ADGRA3: variants seen among roughly 807,000 people sequenced by gnomAD.
ADGRA3 encodes the protein adhesion G protein-coupled receptor A3.
In ADGRA3, 56 loss-of-function variants were observed where a neutral mutation model predicts 119.8. That is an observed-to-expected ratio of 0.47 (90% CI 0.38 to 0.58). The LOEUF (loss-of-function observed/expected upper bound fraction) is 0.58, where lower values mean the gene tolerates loss of function less well. ADGRA3 is among the 20% of genes least tolerant of loss of function. ADGRA3 has a pLI of 0.00. For synonymous variants in ADGRA3, 607 were observed against 623.8 expected (o/e 0.97, Z 0.40); for missense variants, 1,516 against 1,649.0 (o/e 0.92, Z 1.40).
intron 14 of ADGRA3, among the ~76,000 whole-genome samples, chr4:22,409,673 C>A (rs1715107854): frequency 1.3e-5 from 2 of 152,156 alleles, no homozygotes. Flanking sequence ...CCACTACCAC[C>A]ATCACCATCC....
In ADGRA3 at chr4:22,420,660, T is replaced by A. The variant is rs985354427; in HGVS notation, c.1809+226A>T. On this transcript the variant is annotated intron_variant, in intron 12 of 18. Coordinates refer to ENST00000334304, the MANE Select transcript of ADGRA3 (RefSeq NM_145290.4). ...TGCAGTTATAAAATGTAATTTCTGA[T>A]ATTTTTATGTGAAGAAAGGGAATCA... is the stretch of plus-strand genomic sequence containing the variant. 8.8e-6 allele frequency: 5 copies of A among 565,008 alleles called. No homozygotes were observed. The African/African-American group carries it at 9.4e-5, about 11-fold the overall frequency. The allele number at this position is 565,008 out of a possible 1,614,324, so 35.0% of individuals were successfully genotyped here.
chr4:22,442,291 T>G (rs1716645248), intron 7 of ADGRA3, among the ~76,000 whole-genome samples: 1 of 152,194 alleles, frequency 6.6e-6, no homozygotes, highest in Non-Finnish European at 1.5e-5. Context: ...AGTCAATATT[T>G]TGACTAGAGT....
intron 8 of ADGRA3, among the ~76,000 whole-genome samples, chr4:22,437,402 TAG>T (rs1360153347): frequency 5.9e-5 from 9 of 152,182 alleles, no homozygotes; most frequent in South Asian, 2.1e-4. Context: ...ACACTGAGGT[TAG>T]AGACAGGAGG....
intron 14 of ADGRA3, among the ~76,000 whole-genome samples, chr4:22,406,216 T>C (rs1052110030): frequency 3.3e-5 from 5 of 152,332 alleles, no homozygotes; most frequent in African/African-American, 9.6e-5. Flanking sequence ...CATTTGTCTG[T>C]TGATGGACTG....
intron 3 of ADGRA3, 147 bp from the exon 4 acceptor site, chr4:22,455,084 A>G: frequency 1.6e-6 from 1 of 632,414 alleles, no homozygotes; most frequent in South Asian, 1.8e-5. Context: ...CAAATGAGAT[A>G]AGGATAGCAG....
At chr4:22,501,460 T>G (rs961421931) in intron 1 of ADGRA3, among the ~76,000 whole-genome samples, 1 of 152,100 alleles carries the variant, frequency 6.6e-6, no homozygotes, top group Non-Finnish European at 1.5e-5. Flanking sequence ...CATTAAGGCT[T>G]ATCAGTTTCA....
chr4:22,413,983 C>T (rs1715330197), intron 12 of ADGRA3, 169 bp from the exon 13 acceptor site: 1 of 533,376 alleles, frequency 1.9e-6, no homozygotes, highest in African/African-American at 1.9e-5. Context: ...GAAATGTCAA[C>T]ACCACATAAC....
At chr4:22,442,471 G>A (rs1429764312) in intron 7 of ADGRA3, among the ~76,000 whole-genome samples, 179 bp downstream of exon 7, 1 of 152,168 alleles carries the variant, frequency 6.6e-6, no homozygotes, top group East Asian at 1.9e-4. Context: ...TGGATGAAAA[G>A]ATGGCTATTT....
Position 22,413,824 on chromosome 4 carries a change from T to A in ADGRA3, c.1810-10A>T, listed in dbSNP as rs756003504. 73 of 1,563,310 alleles carry A rather than the reference T, an allele frequency of 4.7e-5. No individual in the cohort carries two copies. The highest frequency in any genetic ancestry group is 4.7e-5 in the Non-Finnish European group (54 of 1,152,428). On this transcript the variant is annotated splice_polypyrimidine_tract_variant and intron_variant, in intron 12 of 18. Coordinates refer to ENST00000334304, the MANE Select transcript of ADGRA3 (RefSeq NM_145290.4). Reference sequence around the variant, plus strand: ...CCTCCACAATAGTATTCTGAAAAAATATATATACATAAAAAAAGCTCACTA... The same window carrying A: ...CCTCCACAATAGTATTCTGAAAAAAAATATATACATAAAAAAAGCTCACTA...
rs763752338 is a variant in ADGRA3, at chr4:22,445,181, T to C, written c.546-48A>G. 1.4e-5 allele frequency: 22 copies of C among 1,557,814 alleles called. No individual in the cohort carries two copies. In the Admixed American group the frequency reaches 1.5e-4, roughly 11 times the overall value. On this transcript the variant is annotated intron_variant, in intron 5 of 18. Transcript: ENST00000334304. ...AGAGATTATAGTGAATAAAATTAAATAGCACTTTTGTTTTATATTGGGTTA... is the reference window on the plus strand; with the variant it reads ...AGAGATTATAGTGAATAAAATTAAACAGCACTTTTGTTTTATATTGGGTTA...
At chr4:22,420,829 T>C (rs779584760) in intron 12 of ADGRA3, 57 bp downstream of exon 12, 61 of 1,515,980 alleles carry the variant, frequency 4.0e-5, no homozygotes, top group Non-Finnish European at 5.4e-5. Flanking sequence ...AGCAGAACAT[T>C]TGGAGCATTC....
intron 1 of ADGRA3, among the ~76,000 whole-genome samples, chr4:22,490,846 A>G (rs892339392): frequency 6.6e-6 from 1 of 152,200 alleles, no homozygotes; most frequent in African/African-American, 2.4e-5. Flanking sequence ...CCACTAACTG[A>G]GCTGCATAAA....
At chr4:22,413,914 A>C in intron 12 of ADGRA3, 100 bp from the exon 13 acceptor site, 1 of 759,516 alleles carries the variant, frequency 1.3e-6, no homozygotes, top group Non-Finnish European at 2.0e-6. Flanking sequence ...AATTAGGTTG[A>C]CTTCATTTTT....
intron 10 of ADGRA3, among the ~76,000 whole-genome samples, chr4:22,430,032 G>C (rs1716094713): frequency 1.3e-5 from 2 of 152,146 alleles, no homozygotes; most frequent in South Asian, 4.1e-4. Context: ...ATTATAAAGA[G>C]AAGCTTCCCT....
chr4:22,480,119 A>G (rs1257990654), intron 1 of ADGRA3, among the ~76,000 whole-genome samples: 1 of 152,198 alleles, frequency 6.6e-6, no homozygotes, highest in Admixed American at 6.5e-5. Context: ...CGTCCTGCAC[A>G]TGTATCTCAG....
chr4:22,511,933 G>C (rs1462600984), intron 1 of ADGRA3, among the ~76,000 whole-genome samples: 1 of 110,358 alleles, frequency 9.1e-6, no homozygotes, highest in Non-Finnish European at 1.7e-5. Context: ...GTCTCACTCT[G>C]TCACCCAGGC....
intron 1 of ADGRA3, among the ~76,000 whole-genome samples, chr4:22,484,646 GA>G (rs1326621477): frequency 2.1e-5 from 3 of 140,844 alleles, no homozygotes; most frequent in Non-Finnish European, 4.9e-5. Context: ...GTACTAAAAT[GA>G]TACCATGCAG....
Position 22,420,939 on chromosome 4 carries a change from G to T in ADGRA3, c.1756C>A (p.Gln586Lys). 6.2e-7 allele frequency: 1 copy of T among 1,614,080 alleles called. No homozygotes were observed. The highest frequency in any genetic ancestry group is 1.3e-5 in the African/African-American group (1 of 75,020). Residue 586 changes from glutamine to lysine, a missense_variant, in exon 12 of 19, where the codon CAG becomes AAG. Gln to Lys is a moderately conservative substitution (Grantham distance 53). This residue lies in a region of ADGRA3 where 1,088 missense variants were observed against 1,107.1 expected (regional missense o/e 0.98). Coordinates refer to ENST00000334304, the MANE Select transcript of ADGRA3 (RefSeq NM_145290.4). ...GAAACATTGCACTTAAAGCTCAGCT[G>T]CTTATCCAGGTTTCCCTCTGGATCC... Reference protein sequence around the residue: ...RRDPEGNLDKQLSFKCNVSNT... With the variant: ...RRDPEGNLDKKLSFKCNVSNT...
At chr4:22,485,238 T>C (rs1213755694) in intron 1 of ADGRA3, among the ~76,000 whole-genome samples, 1 of 151,490 alleles carries the variant, frequency 6.6e-6, no homozygotes, top group Non-Finnish European at 1.5e-5. Context: ...TGGGCCACCA[T>C]ACTTGACAGT....
Sources: gnomAD v4.1 joint callset for allele counts (sites outside exome capture counted in the v4.1 genomes callset) on GRCh38, gnomAD v4.1.1 for gene constraint, gnomAD v4.1.1 regional missense constraint, MANE v1.5 for transcripts, NCBI Gene and HGNC (gene_info 2026-07-23, HGNC 2026-07-21) for gene names.